Variants in ANTXR1 observed in about 807,000 individuals in gnomAD.
ANTXR1 encodes ANTXR cell adhesion molecule 1.
ANTXR1 carries 19 observed loss-of-function variants against 78.1 expected under a neutral mutation model. The observed-to-expected ratio is 0.24, with a 90% CI of 0.17 to 0.36. ANTXR1 has a LOEUF of 0.36. Ranked by LOEUF, ANTXR1 falls within the 10% of genes least tolerant of loss-of-function variation. ANTXR1 has a pLI of 1.00. For missense variants in ANTXR1, 518 were observed against 718.6 expected, an observed-to-expected ratio of 0.72 and a Z score of 3.19; for synonymous variants, 273 against 260.5, an observed-to-expected ratio of 1.05 and a Z score of -0.46.
At chr2:69,153,747 G>A (rs9808255) in intron 13 of ANTXR1, among the ~76,000 whole-genome samples, 33,353 of 152,162 alleles carry the variant, frequency 0.22, 5,153 homozygotes, top group East Asian at 0.56. Flanking sequence ...AGAGTCGGCA[G>A]GCCTGGTAGC....
At chr2:69,212,961 CTTTTTTTT>C (rs747933496) in intron 17 of ANTXR1, among the ~76,000 whole-genome samples, 2 of 98,060 alleles carry the variant, frequency 2.0e-5, no homozygotes, top group African/African-American at 8.4e-5. Context: ...TGCACATCAC[CTTTTTTTT>C]TTTTTTTTTT....
rs1372308673 is a variant in ANTXR1, at chr2:69,181,887, AG to A, written c.1185+8del. On this transcript the variant is annotated splice_region_variant and intron_variant, in intron 15 of 17. Coordinates refer to ENST00000303714, the MANE Select transcript of ANTXR1 (RefSeq NM_032208.3). Reference sequence around the variant, plus strand: ...GAGGCATTAAAAGAATGGAGGTAAGAGGACAGCTTCATATACACTTATCTAT... The same window carrying A: ...GAGGCATTAAAAGAATGGAGGTAAGAGACAGCTTCATATACACTTATCTAT... 7 of 1,613,894 alleles carry A rather than the reference AG, an allele frequency of 4.3e-6. No homozygotes were observed. Among genetic ancestry groups the A allele is most frequent in the Non-Finnish European group, 5.9e-6 (7 of 1,179,796 alleles).
intron 17 of ANTXR1, 122 bp from the exon 18 acceptor site, chr2:69,245,103 A>G: frequency 9.1e-7 from 1 of 1,099,430 alleles, no homozygotes. Flanking sequence ...ATGTGCCACT[A>G]GAGAGTTGTC....
intron 3 of ANTXR1, among the ~76,000 whole-genome samples, chr2:69,067,337 G>C (rs1029884003): frequency 6.8e-6 from 1 of 146,542 alleles, no homozygotes; most frequent in Non-Finnish European, 1.5e-5. Context: ...GAAAATACTT[G>C]TAAAGAAAGG....
intron 10 of ANTXR1, among the ~76,000 whole-genome samples, chr2:69,119,569 C>A (rs1329062360): frequency 6.6e-6 from 1 of 152,234 alleles, no homozygotes; most frequent in Non-Finnish European, 1.5e-5. Context: ...GAGTTCATTT[C>A]TAGTCTTGGC....
chr2:69,101,736 A>G (rs1426171240), intron 9 of ANTXR1, among the ~76,000 whole-genome samples: 1 of 152,248 alleles, frequency 6.6e-6, no homozygotes, highest in Non-Finnish European at 1.5e-5. Flanking sequence ...TAAGATCCAT[A>G]TTCACAAACA....
intron 3 of ANTXR1, among the ~76,000 whole-genome samples, chr2:69,047,496 TTTC>T (rs961246241): frequency 6.6e-6 from 1 of 152,124 alleles, no homozygotes; most frequent in African/African-American, 2.4e-5. Context: ...GTTTTCACAG[TTTC>T]TTCTTTTTTA....
At chr2:69,050,410 T>C (rs967793531) in intron 3 of ANTXR1, among the ~76,000 whole-genome samples, 3 of 148,762 alleles carry the variant, frequency 2.0e-5, no homozygotes, top group Non-Finnish European at 2.9e-5. Flanking sequence ...TCTGGTTTGA[T>C]TTAAGCTGAA....
chr2:69,141,676 G>C (rs550328050), intron 12 of ANTXR1, among the ~76,000 whole-genome samples: 1 of 152,342 alleles, frequency 6.6e-6, no homozygotes, highest in Non-Finnish European at 1.5e-5. Context: ...AAGATTAACT[G>C]TATTGAAAAA....
chr2:69,177,144 G>A (rs182670063), intron 14 of ANTXR1, among the ~76,000 whole-genome samples: 1 of 152,340 alleles, frequency 6.6e-6, no homozygotes, highest in East Asian at 1.9e-4. Flanking sequence ...AGGTGGAGTT[G>A]TGGAAACTCA....
At chr2:69,157,812 G>C (rs1430896548) in intron 13 of ANTXR1, among the ~76,000 whole-genome samples, 1 of 152,166 alleles carries the variant, frequency 6.6e-6, no homozygotes, top group Non-Finnish European at 1.5e-5. Flanking sequence ...TGCTCTTTTA[G>C]TCTTTCTCAC....
At chr2:69,240,740 G>A (rs1162986641) in intron 17 of ANTXR1, among the ~76,000 whole-genome samples, 1 of 152,174 alleles carries the variant, frequency 6.6e-6, no homozygotes, top group Non-Finnish European at 1.5e-5. Flanking sequence ...ACAGAGCTGG[G>A]TTTTAATCCC....
intron 1 of ANTXR1, among the ~76,000 whole-genome samples, chr2:69,021,172 A>G (rs558715212): frequency 6.6e-6 from 1 of 152,186 alleles, no homozygotes; most frequent in African/African-American, 2.4e-5. Flanking sequence ...AGTGTTTACA[A>G]CCCCCATAAG....
chr2:69,243,800 C>G (rs917876881), intron 17 of ANTXR1, among the ~76,000 whole-genome samples: 11 of 152,326 alleles, frequency 7.2e-5, no homozygotes, highest in Middle Eastern at 3.4e-3. Flanking sequence ...TGGCCAGGAA[C>G]AATTCCACAC....
At chr2:69,039,798 G>C (rs1208680488) in intron 1 of ANTXR1, among the ~76,000 whole-genome samples, 2 of 151,886 alleles carry the variant, frequency 1.3e-5, no homozygotes, top group Non-Finnish European at 2.9e-5. Flanking sequence ...GTTTTTCAGG[G>C]TTTGGGTGTG....
chr2:69,147,087 C>T (rs528248500), intron 12 of ANTXR1, among the ~76,000 whole-genome samples: 1 of 152,296 alleles, frequency 6.6e-6, no homozygotes, highest in African/African-American at 2.4e-5. Context: ...GGCAGTCTGC[C>T]CCAGAGCAAA....
intron 17 of ANTXR1, among the ~76,000 whole-genome samples, chr2:69,243,656 C>T (rs1228922683): frequency 2.0e-5 from 3 of 152,164 alleles, no homozygotes; most frequent in Non-Finnish European, 2.9e-5. Context: ...CAATTGTTCC[C>T]CAAATTCCAC....
chr2:69,075,938 C>T (rs72897326), intron 7 of ANTXR1, among the ~76,000 whole-genome samples: 3,076 of 152,158 alleles, frequency 0.02, 101 homozygotes, highest in African/African-American at 0.068. Flanking sequence ...ACTTGGAAAA[C>T]GGGTTTTTTC....
intron 10 of ANTXR1, among the ~76,000 whole-genome samples, chr2:69,115,177 T>C (rs142870527): frequency 9.8e-4 from 149 of 152,344 alleles, no homozygotes; most frequent in Middle Eastern, 6.8e-3. Flanking sequence ...GCTCAGGCAT[T>C]GCTAGTTGCC....
Sources: gnomAD v4.1 joint callset for allele counts (sites outside exome capture counted in the v4.1 genomes callset) on GRCh38, gnomAD v4.1.1 for gene constraint, MANE v1.5 for transcripts, NCBI Gene and HGNC (gene_info 2026-07-23, HGNC 2026-07-21) for gene names.